Variants in MTR observed in about 807,000 individuals in gnomAD.
The protein encoded by MTR is methionine synthase.
A neutral mutation model predicts 154.8 loss-of-function variants in MTR; 84 were observed. The observed-to-expected ratio is 0.54, with a 90% confidence interval of 0.45 to 0.65. The LOEUF (loss-of-function observed/expected upper bound fraction) is 0.65. MTR is among the 30% of genes least tolerant of loss of function. MTR has a pLI of 0.00. For missense variants in MTR, 1,275 were observed against 1,570.2 expected (o/e 0.81, Z 3.18); for synonymous variants, 554 against 553.9 (o/e 1.00, Z 0.00).
intron 15 of MTR, among the ~76,000 whole-genome samples, chr1:236,846,626 G>A (rs935861074): frequency 2.6e-5 from 4 of 152,124 alleles, no homozygotes; most frequent in Admixed American, 6.5e-5. Flanking sequence ...AACATGGCGT[G>A]TCTTTCAATT....
chr1:236,856,432 C>T (rs970129945), intron 18 of MTR, among the ~76,000 whole-genome samples: 8 of 151,752 alleles, frequency 5.3e-5, no homozygotes, highest in Non-Finnish European at 7.4e-5. Context: ...TTGGAGTTCT[C>T]CCCAATTCCT....
At chr1:236,886,976 T>C (rs1009174654) in intron 27 of MTR, among the ~76,000 whole-genome samples, 2 of 152,256 alleles carry the variant, frequency 1.3e-5, no homozygotes, top group Non-Finnish European at 2.9e-5. Context: ...ATTTCTTTTA[T>C]TTGGTTTCTT....
At chr1:236,800,899 A>G (rs559945772) in intron 1 of MTR, among the ~76,000 whole-genome samples, 2 of 152,204 alleles carry the variant, frequency 1.3e-5, no homozygotes, top group Non-Finnish European at 2.9e-5. Context: ...TTGCTGAAGC[A>G]TGGAGAGGAC....
rs755092073 is a variant in MTR at position 236,886,385 on chromosome 1, C to T, written c.2851+18C>T. The T allele has an allele frequency of 6.2e-7, 1 of 1,611,890 alleles. No homozygotes were observed. The highest frequency in any genetic ancestry group is 1.1e-5 in the South Asian group (1 of 91,010). On this transcript the variant is annotated intron_variant, in intron 27 of 32. Coordinates refer to ENST00000366577, the MANE Select transcript of MTR (RefSeq NM_000254.3). ...TCACCCAGGTCTGTTTGGCTATGGA[C>T]TAGAGAAAGACTGGGTGTGGTAACT...
At position 236,850,526 on chromosome 1, in the gene MTR, A is replaced by G. The variant is rs754015646; in HGVS notation, c.1695+3A>G. The G allele has an allele frequency of 1.2e-6, 2 of 1,613,240 alleles. No individual in the cohort carries two copies. Among genetic ancestry groups the G allele is most frequent in the Non-Finnish European group, 1.7e-6 (2 of 1,179,398 alleles). On this transcript the variant is annotated splice_donor_region_variant and intron_variant, in intron 16 of 32. Coordinates refer to ENST00000366577, the MANE Select transcript of MTR (RefSeq NM_000254.3). ...TCCATGCAACAAAAGTCATTAAAGT[A>G]AGTGTAGGCATGTTCTCTCCCAAGT...
Position 236,852,622 on chromosome 1 carries a change from T to C in MTR, c.1797T>C (p.Leu599=). The C allele has an allele frequency of 6.2e-7, 1 of 1,613,350 alleles. No homozygotes were observed. The highest frequency in any genetic ancestry group is 8.5e-7 in the Non-Finnish European group (1 of 1,179,338). ...AIREAMHGVF[L]YHAIKSGMDM... ...GAGAAGCAATGCATGGGGTTTTCCT[T>C]TACCATGCAATCAAGGTATGGTAGA... Residue 599 remains leucine, a synonymous_variant, in exon 17 of 33, where the codon CTT becomes CTC. Transcript: ENST00000366577.
intron 1 of MTR, among the ~76,000 whole-genome samples, chr1:236,798,988 T>A (rs951617576): frequency 1.3e-5 from 2 of 152,190 alleles, no homozygotes; most frequent in Non-Finnish European, 2.9e-5. Context: ...ACTGGAGGAA[T>A]ACAGAAGGCT....
intron 22 of MTR, among the ~76,000 whole-genome samples, chr1:236,868,850 A>G (rs369728633): frequency 9.2e-5 from 14 of 152,260 alleles, no homozygotes; most frequent in Non-Finnish European, 1.0e-4. Context: ...ACCTAAGTCA[A>G]AGATACGGTA....
chr1:236,795,716 C>A lies in MTR; in HGVS notation c.13C>A (p.Leu5Ile), dbSNP rs139083778. Residue 5 changes from leucine (L) to isoleucine (I), a missense_variant, in exon 1 of 33, where the codon CTC becomes ATC. Coordinates refer to ENST00000366577, the MANE Select transcript of MTR (RefSeq NM_000254.3). MSPA[L>I]QDLSQPEGLK... ...GAGACTCGACAACATGTCACCCGCG[C>A]TCCAAGACCTGTCGCAACCCGGTAA... 235 of 1,614,086 alleles carry A rather than the reference C, an allele frequency of 1.5e-4. No individual in the cohort carries two copies. Among genetic ancestry groups the A allele is most frequent in the Non-Finnish European group, 1.9e-4 (223 of 1,180,052 alleles).
intron 8 of MTR, among the ~76,000 whole-genome samples, chr1:236,818,402 C>A (rs1661725546): frequency 6.6e-6 from 1 of 152,112 alleles, no homozygotes; most frequent in African/African-American, 2.4e-5. Flanking sequence ...TCTCAAGGGC[C>A]CCTTAGAGGA....
chr1:236,894,794 T>C, intron 30 of MTR: 1 of 565,614 alleles, frequency 1.8e-6, no homozygotes, highest in Non-Finnish European at 3.1e-6. Context: ...CAGTTGGCTG[T>C]TGCTCTTAGA....
intron 10 of MTR, 59 bp downstream of exon 10, chr1:236,825,458 TTAGAG>T: frequency 6.9e-7 from 1 of 1,453,944 alleles, no homozygotes; most frequent in South Asian, 1.1e-5. Flanking sequence ...AATTTTAGAT[TTAGAG>T]TATTTAGAAG....
intron 14 of MTR, 85 bp downstream of exon 14, chr1:236,835,772 G>A: frequency 1.9e-6 from 3 of 1,559,320 alleles, no homozygotes; most frequent in Non-Finnish European, 1.8e-6. Context: ...CCATTAATCT[G>A]TGAACTCAAG....
At chr1:236,862,442 T>C in intron 21 of MTR, 99 bp downstream of exon 21, 2 of 905,946 alleles carry the variant, frequency 2.2e-6, no homozygotes, top group Non-Finnish European at 1.8e-6. Flanking sequence ...GCTGTGTTCG[T>C]TATTGAGGAT....
Position 236,832,207 on chromosome 1 carries a change from T to C in MTR, c.1188+129T>C, listed in dbSNP as rs1662653708. ...GCTAGAAAGTGTGAGAAGATGGTAA[T>C]GTGTGTTTGCAGCAGACTGGGCTGG... On this transcript the variant is annotated intron_variant, in intron 13 of 32. Transcript: ENST00000366577. The C allele has an allele frequency of 4.9e-6, 4 of 816,926 alleles. No homozygotes were observed. In the South Asian group the frequency reaches 5.8e-5, roughly 12 times the overall value. 50.6% of individuals were successfully genotyped at this position (816,926 alleles called of 1,614,324 possible).
At chr1:236,852,214 T>C (rs1216986933) in intron 16 of MTR, among the ~76,000 whole-genome samples, 1 of 152,006 alleles carries the variant, frequency 6.6e-6, no homozygotes, top group Admixed American at 6.6e-5. Flanking sequence ...CTTCTAGTAA[T>C]TTGTACTTTC....
intron 23 of MTR, among the ~76,000 whole-genome samples, chr1:236,874,244 T>C (rs973437475): frequency 2.6e-5 from 4 of 152,000 alleles, no homozygotes; most frequent in African/African-American, 9.7e-5. Flanking sequence ...AAGCAAACAA[T>C]AGATTGAAAT....
chr1:236,829,396 G>A (rs1212680448), intron 12 of MTR, 128 bp downstream of exon 12: 1 of 823,506 alleles, frequency 1.2e-6, no homozygotes, highest in African/African-American at 1.7e-5. Context: ...TATATTCTTG[G>A]CGCTTAAATG....
At position 236,902,790 on chromosome 1, in the gene MTR, GATACTTTCTTTACCGTCC is replaced by G. The variant is rs1666975849; in HGVS notation, c.*5147_*5164del. ...ATTTCATATTAGATGCGGCCCAAGT[GATACTTTCTTTACCGTCC>G]CGTGAAGACAGCATATTGGCAGCCC... On this transcript the variant is annotated 3_prime_UTR_variant, in exon 33 of 33. Transcript: ENST00000366577. 6.6e-6 allele frequency: 1 copy of G among 152,164 alleles called. No homozygotes were observed. Among genetic ancestry groups the G allele is most frequent in the East Asian group, 1.9e-4 (1 of 5,194 alleles). The allele number at this position is 152,164 out of a possible 1,614,324, so 9.4% of individuals were successfully genotyped here. A position where few individuals can be genotyped will look rare whatever the true frequency, so the allele number is the denominator to read the frequency against.
Sources: gnomAD v4.1 joint callset for allele counts (sites outside exome capture counted in the v4.1 genomes callset) on GRCh38, gnomAD v4.1.1 for gene constraint, MANE v1.5 for transcripts, NCBI Gene and HGNC (gene_info 2026-07-23, HGNC 2026-07-21) for gene names.